CHST9: variants seen among roughly 807,000 people sequenced by gnomAD.
CHST9 encodes the protein GalNAc-4-sulfotransferase 2.
Under a neutral mutation model 44.4 loss-of-function variants are expected in CHST9, and 41 were observed. That is an observed-to-expected ratio of 0.92 (90% CI 0.72 to 1.20). The LOEUF is 1.20. Among genes scored for constraint, CHST9 ranks in the 50% most tolerant of loss-of-function variants. CHST9 has a pLI of 0.00. For synonymous variants in CHST9, 171 were observed against 178.4 expected, an observed-to-expected ratio of 0.96 and a Z score of 0.33; for missense variants, 504 against 516.5, an observed-to-expected ratio of 0.98 and a Z score of 0.23.
chr18:27,112,950 G>A (rs1361602234), intron 2 of CHST9, among the ~76,000 whole-genome samples: 1 of 152,072 alleles, frequency 6.6e-6, no homozygotes, highest in South Asian at 2.1e-4. Flanking sequence ...AGCACTTTGA[G>A]AGGCCGAGGC....
chr18:26,943,977 T>A (rs2056124281), intron 5 of CHST9, among the ~76,000 whole-genome samples: 1 of 152,156 alleles, frequency 6.6e-6, no homozygotes, highest in Non-Finnish European at 1.5e-5. Context: ...GAGAGTCACC[T>A]TAGTTAAGGG....
chr18:27,104,012 T>C (rs1031556802), intron 2 of CHST9, among the ~76,000 whole-genome samples: 5 of 152,186 alleles, frequency 3.3e-5, no homozygotes, highest in Admixed American at 2.0e-4. Context: ...ATGCATACTA[T>C]GTTAAATGTG....
intron 4 of CHST9, among the ~76,000 whole-genome samples, chr18:26,978,668 C>T (rs2056654914): frequency 1.3e-5 from 2 of 152,190 alleles, no homozygotes; most frequent in Admixed American, 1.3e-4. Flanking sequence ...GCCTCGTAAC[C>T]AGAGGGAAGA....
intron 5 of CHST9, among the ~76,000 whole-genome samples, chr18:26,932,778 C>G (rs549882118): frequency 6.6e-6 from 1 of 152,358 alleles, no homozygotes; most frequent in Non-Finnish European, 1.5e-5. Context: ...ATTGTCTTCT[C>G]TGGGCTTCTC....
chr18:27,024,443 T>TG (rs965956889), intron 3 of CHST9, among the ~76,000 whole-genome samples: 42 of 152,264 alleles, frequency 2.8e-4, no homozygotes, highest in African/African-American at 9.6e-4. Context: ...AGCCAGGGAC[T>TG]GGGGGGTGGG....
At position 26,937,519 on chromosome 18, in the gene CHST9, G is replaced by T. The variant is rs1326327610; in HGVS notation, c.240+6810C>A. ...AGGAATTCAGAATGAGATACACCTG[G>T]ATTCACATTTGAGGGCTGCCACTCA... On this transcript the variant is annotated intron_variant, in intron 5 of 5. Coordinates refer to ENST00000618847, the MANE Select transcript of CHST9 (RefSeq NM_031422.6). Among the ~76,000 whole-genome samples the T allele has an allele frequency of 2.0e-5, 3 of 152,124 alleles. No homozygotes were observed. In the East Asian group the frequency reaches 5.8e-4, roughly 29 times the overall value.
intron 4 of CHST9, among the ~76,000 whole-genome samples, chr18:27,009,257 A>C (rs1160563715): frequency 6.6e-6 from 1 of 152,182 alleles, no homozygotes; most frequent in Non-Finnish European, 1.5e-5. Context: ...CAAAACCTAC[A>C]ATGGTTAAGT....
At position 27,092,938 on chromosome 18, in the gene CHST9, A is replaced by G. The variant is rs528035367; in HGVS notation, c.122-44435T>C. The stretch of plus-strand genomic sequence containing the variant: ...TATATTCTGTTGATTTGGGGTGGAG[A>G]GTTCTATAGATGTCTATTAGGTCCG... On this transcript the variant is annotated intron_variant, in intron 2 of 5. Coordinates refer to ENST00000618847, the MANE Select transcript of CHST9 (RefSeq NM_031422.6). Among the ~76,000 whole-genome samples the G allele has an allele frequency of 9.8e-4, 149 of 152,186 alleles. 1 individual carries two copies. The highest frequency in any genetic ancestry group is 3.4e-3 in the African/African-American group (141 of 41,512).
At chr18:27,159,411 A>G (rs1306699233) in intron 1 of CHST9, among the ~76,000 whole-genome samples, 6 of 152,120 alleles carry the variant, frequency 3.9e-5, no homozygotes, top group Non-Finnish European at 8.8e-5. Context: ...CAAAGATCAG[A>G]TGGTTGTAGA....
intron 4 of CHST9, among the ~76,000 whole-genome samples, chr18:26,967,724 T>C (rs1291919847): frequency 1.3e-5 from 2 of 152,204 alleles, no homozygotes; most frequent in Non-Finnish European, 2.9e-5. Context: ...AGTATTGTTG[T>C]TCCTGGGTGT....
chr18:26,962,247 T>G (rs1252342154), intron 4 of CHST9, among the ~76,000 whole-genome samples: 1 of 151,734 alleles, frequency 6.6e-6, no homozygotes, highest in East Asian at 1.9e-4. Context: ...TATACTATCT[T>G]CCGTGGTCTG....
At chr18:27,155,843 G>A (rs2058694883) in intron 1 of CHST9, among the ~76,000 whole-genome samples, 1 of 152,050 alleles carries the variant, frequency 6.6e-6, no homozygotes. Flanking sequence ...ATAGTGTTAT[G>A]AGAATCAGCA....
At chr18:27,036,440 C>A (rs1357492892) in intron 3 of CHST9, among the ~76,000 whole-genome samples, 2 of 152,158 alleles carry the variant, frequency 1.3e-5, no homozygotes, top group East Asian at 3.9e-4. Context: ...ATAACGTAAC[C>A]TAGAATTACA....
chr18:27,133,395 G>A (rs936044430), intron 2 of CHST9, among the ~76,000 whole-genome samples: 2 of 152,128 alleles, frequency 1.3e-5, no homozygotes, highest in Non-Finnish European at 2.9e-5. Context: ...CTGGGGTATC[G>A]GGCAAAAGCA....
intron 2 of CHST9, among the ~76,000 whole-genome samples, chr18:27,112,531 AC>A (rs2058280559): frequency 6.7e-6 from 1 of 149,230 alleles, no homozygotes; most frequent in African/African-American, 2.5e-5. Context: ...GAAGTTTTTG[AC>A]TTTGAATAAT....
chr18:26,932,916 TC>T (rs2055906116), intron 5 of CHST9: 1 of 153,812 alleles, frequency 6.5e-6, no homozygotes, highest in Admixed American at 6.5e-5. Flanking sequence ...TGGGGTTTTA[TC>T]ACCCTTCAGG....
intron 4 of CHST9, among the ~76,000 whole-genome samples, chr18:26,998,739 C>CAAAAAAA (rs11480705): frequency 3.5e-5 from 4 of 114,090 alleles, no homozygotes; most frequent in Admixed American, 1.8e-4. Context: ...ACAACAACAA[C>CAAAAAAA]AAAAAAAAAA....
chr18:26,951,014 T>A (rs1221921341), intron 4 of CHST9, among the ~76,000 whole-genome samples: 1 of 152,170 alleles, frequency 6.6e-6, no homozygotes, highest in Non-Finnish European at 1.5e-5. Context: ...GCAGATTAAG[T>A]GGAGAGTCAT....
intron 2 of CHST9, among the ~76,000 whole-genome samples, chr18:27,064,456 T>C (rs1210778938): frequency 2.0e-5 from 3 of 152,162 alleles, no homozygotes; most frequent in African/African-American, 7.2e-5. Context: ...AAGTACTATT[T>C]GAGCTATAAG....
Sources: allele counts gnomAD v4.1 joint callset (sites outside exome capture counted in the v4.1 genomes callset), GRCh38; gene constraint gnomAD v4.1.1; transcripts MANE v1.5; gene names NCBI Gene and HGNC (gene_info 2026-07-23, HGNC 2026-07-21).